GZMB: variants seen among roughly 807,000 people sequenced by gnomAD.
GZMB encodes the protein T-cell serine protease 1-3E.
GZMB carries 27 observed loss-of-function variants against 24.2 expected under a neutral mutation model. The ratio of observed to expected loss-of-function variants is 1.12; its 90% confidence interval spans 0.82 to 1.54. The LOEUF is 1.54. Ranked by LOEUF, GZMB falls within the 40% of genes most tolerant of loss-of-function variation. GZMB has a pLI of 0.00. For synonymous variants in GZMB, 121 were observed against 115.1 expected (o/e 1.05, Z -0.33); for missense variants, 336 against 310.1 (o/e 1.08, Z -0.63).
At chr14:24,632,159 A>T (rs776170300) in intron 3 of GZMB, 41 bp from the exon 4 acceptor site, 1 of 1,605,918 alleles carries the variant, frequency 6.2e-7, no homozygotes, top group Admixed American at 1.7e-5. Context: ...CAGCCAACGA[A>T]CTTCTGGGCC....
chr14:24,633,604 T>G (rs754753561), intron 1 of GZMB, among the ~76,000 whole-genome samples: 1 of 152,112 alleles, frequency 6.6e-6, no homozygotes, highest in Non-Finnish European at 1.5e-5. Context: ...GCCTCATCCT[T>G]GGAAAGAGGG....
Position 24,631,919 on chromosome 14 carries a change from TA to T in GZMB, c.538del (p.Tyr180IlefsTer61). On this transcript the variant is annotated frameshift_variant, in exon 4 of 5. Coordinates refer to ENST00000216341, the MANE Select transcript of GZMB (RefSeq NM_004131.6). LOFTEE classifies it high-confidence loss of function. ...DRKCESDLRH[Y>X]YDSTIELCVG... ...GCACAACTCAATGGTACTGTCGTAA[TA>T]ATGGCGTAAGTCAGATTCGCACTTT... is the stretch of plus-strand genomic sequence containing the variant. 1 of 1,614,008 alleles carries T rather than the reference TA, an allele frequency of 6.2e-7. No individual in the cohort carries two copies. The highest frequency in any genetic ancestry group is 8.5e-7 in the Non-Finnish European group (1 of 1,179,820).
rs558113009 is a variant in GZMB at position 24,633,573 on chromosome 14, G to A, written c.56-511C>T. The stretch of plus-strand genomic sequence containing the variant: ...TGCTGGTGGAATTCTAGAAAGCAGG[G>A]AAGCTGGGGCCTGCCGTAGTGCCTC... On this transcript the variant is annotated intron_variant, in intron 1 of 4. Transcript: ENST00000216341. 2.0e-4 allele frequency among the ~76,000 whole-genome samples: 30 copies of A among 152,336 alleles called. No individual in the cohort carries two copies. In the East Asian group the frequency reaches 5.8e-3, roughly 29 times the overall value.
intron 4 of GZMB, chr14:24,631,564 G>A (rs190803917): frequency 3.4e-4 from 187 of 555,826 alleles, no homozygotes; most frequent in African/African-American, 3.2e-3. Flanking sequence ...AGACACACCT[G>A]GTTATAATTA....
chr14:24,632,269 G>C (rs45442494), intron 3 of GZMB, 55 bp downstream of exon 3: 1 of 1,306,538 alleles, frequency 7.7e-7, no homozygotes, highest in Non-Finnish European at 1.1e-6. Context: ...GGCATTCCAG[G>C]GGGAGTGGAA....
chr14:24,631,321 G>T, intron 4 of GZMB, 107 bp from the exon 5 acceptor site: 1 of 952,534 alleles, frequency 1.0e-6, no homozygotes, highest in Non-Finnish European at 1.6e-6. Context: ...GCCTACATGT[G>T]GGAGACCAGA....
intron 4 of GZMB, 84 bp downstream of exon 4, chr14:24,631,774 C>CTTCA: frequency 9.4e-7 from 1 of 1,066,616 alleles, no homozygotes; most frequent in Non-Finnish European, 1.4e-6. Flanking sequence ...TGAAGGAGTC[C>CTTCA]CCCACTACTT....
chr14:24,632,258 C>T (rs2067003434), intron 3 of GZMB, 66 bp downstream of exon 3: 12 of 1,544,218 alleles, frequency 7.8e-6, no homozygotes, highest in East Asian at 6.8e-5. Flanking sequence ...AGGGAAGGGC[C>T]GGCATTCCAG....
intron 2 of GZMB, 126 bp from the exon 3 acceptor site, chr14:24,632,585 C>CTTA: frequency 6.8e-7 from 1 of 1,473,326 alleles, no homozygotes; most frequent in Non-Finnish European, 9.5e-7. Flanking sequence ...AGTCGGTCCC[C>CTTA]AGGAATTGGA....
Position 24,632,058 on chromosome 14 carries a change from C to T in GZMB, c.400G>A (p.Ala134Thr). Reference sequence around the variant, plus strand: ...CATGTCTGCCCTGGCTTCACCTGGGCCTTGTTGCTAGGTAGCCTGAGGGGC... The same window carrying T: ...CATGTCTGCCCTGGCTTCACCTGGGTCTTGTTGCTAGGTAGCCTGAGGGGC... Reference protein sequence around the residue: ...VQPLRLPSNKAQVKPGQTCSV... With the variant: ...VQPLRLPSNKTQVKPGQTCSV... The change falls in exon 4 of 5, where the codon GCC becomes ACC. Residue 134 changes from alanine (A) to threonine (T), a missense_variant. Physicochemically the swap from Ala to Thr is moderately conservative, Grantham distance 58. Coordinates refer to ENST00000216341, the MANE Select transcript of GZMB (RefSeq NM_004131.6). 1 of 1,614,218 alleles carries T rather than the reference C, an allele frequency of 6.2e-7. No individual in the cohort carries two copies. Among genetic ancestry groups the T allele is most frequent in the Non-Finnish European group, 8.5e-7 (1 of 1,180,022 alleles).
At chr14:24,631,777 C>T (rs1224354982) in intron 4 of GZMB, 81 bp downstream of exon 4, 1 of 1,123,652 alleles carries the variant, frequency 8.9e-7, no homozygotes, top group African/African-American at 1.5e-5. Context: ...AGGAGTCCCC[C>T]ACTACTTGAG....
intron 1 of GZMB, chr14:24,633,289 A>G: frequency 1.0e-6 from 1 of 985,140 alleles, no homozygotes; most frequent in Non-Finnish European, 1.2e-6. Context: ...TACCTGTCTT[A>G]GGGACAGTGA....
At position 24,632,343 on chromosome 14, in the gene GZMB, T is replaced by C. The variant is rs2067004701; in HGVS notation, c.320A>G (p.Asn107Ser). 6 of 1,609,738 alleles carry C rather than the reference T, an allele frequency of 3.7e-6. No homozygotes were observed. The highest frequency in any genetic ancestry group is 5.1e-6 in the Non-Finnish European group (6 of 1,178,108). The part of the protein sequence containing the change: ...HPAYNPKNFS[N>S]DIMLLQLERK... ...CCTCACCTGCAGTAGCATGATGTCG[T>C]TGGAGAAGTTCTTAGGATTATAGGC... The change falls in exon 3 of 5, where the codon AAC (asparagine) becomes AGC (serine). Residue 107 changes from asparagine to serine, a missense_variant. Physicochemically the swap from Asn to Ser is conservative, Grantham distance 46. Transcript: ENST00000216341.
At chr14:24,633,493 T>C (rs940422600) in intron 1 of GZMB, among the ~76,000 whole-genome samples, 1 of 152,126 alleles carries the variant, frequency 6.6e-6, no homozygotes, top group Non-Finnish European at 1.5e-5. Context: ...TAAATGTTCA[T>C]GGCTGCATGA....
intron 2 of GZMB, 189 bp from the exon 3 acceptor site, chr14:24,632,648 G>T: frequency 1.1e-6 from 1 of 942,848 alleles, no homozygotes; most frequent in Non-Finnish European, 1.7e-6. Flanking sequence ...TAGAAACACA[G>T]GTGGAATTGC....
intron 2 of GZMB, 193 bp from the exon 3 acceptor site, chr14:24,632,652 G>T: frequency 1.1e-6 from 1 of 921,302 alleles, no homozygotes; most frequent in Non-Finnish European, 1.7e-6. Context: ...AACACAGGTG[G>T]AATTGCTTCA....
chr14:24,632,174 C>A (rs2067002467), intron 3 of GZMB, 56 bp from the exon 4 acceptor site: 2 of 1,598,644 alleles, frequency 1.3e-6, no homozygotes, highest in South Asian at 1.1e-5. Flanking sequence ...TGGGCCCCGA[C>A]ACAGTGATGG....
chr14:24,634,050 G>A, intron 1 of GZMB, 56 bp downstream of exon 1: 2 of 1,433,226 alleles, frequency 1.4e-6, no homozygotes, highest in South Asian at 2.4e-5. Flanking sequence ...TGTGGAGAAA[G>A]GGCAGGAGAC....
At position 24,632,228 on chromosome 14, in the gene GZMB, A is replaced by G. The variant is rs1199000415; in HGVS notation, c.339+96T>C. On this transcript the variant is annotated intron_variant, in intron 3 of 4. Transcript: ENST00000216341. ...CTCCTCTGAGGCATAGGAACTAACC[A>G]AGAGGCCAGGATGGAAAGGAGGGAA... 19 of 1,506,670 alleles carry G rather than the reference A, an allele frequency of 1.3e-5. 1 individual carries two copies. The highest frequency in any genetic ancestry group is 1.5e-5 in the Non-Finnish European group (16 of 1,100,602). The allele number at this position is 1,506,670 out of a possible 1,614,324, so 93.3% of individuals were successfully genotyped here. A position where few individuals can be genotyped will look rare whatever the true frequency, so the allele number is the denominator to read the frequency against.
Sources: allele counts gnomAD v4.1 joint callset (sites outside exome capture counted in the v4.1 genomes callset), GRCh38; gene constraint gnomAD v4.1.1; transcripts MANE v1.5; gene names NCBI Gene and HGNC (gene_info 2026-07-23, HGNC 2026-07-21).